Variants in WWOX observed in about 807,000 individuals in gnomAD.
WWOX encodes the protein WW domain containing oxidoreductase.
WWOX carries 69 observed loss-of-function variants against 46.2 expected under a neutral mutation model. The observed-to-expected ratio is 1.49, with a 90% confidence interval of 1.23 to 1.82. The LOEUF (loss-of-function observed/expected upper bound fraction) is 1.82, where lower values mean the gene tolerates loss of function less well. Among genes scored for constraint, WWOX ranks in the 40% most tolerant of loss-of-function variants. WWOX has a pLI of 0.00. For missense variants in WWOX, 919 were observed against 542.6 expected, an observed-to-expected ratio of 1.69 and a Z score of -6.89; for synonymous variants, 359 against 202.6, an observed-to-expected ratio of 1.77 and a Z score of -6.56.
intron 8 of WWOX, among the ~76,000 whole-genome samples, chr16:78,761,277 C>T (rs932814610): frequency 6.6e-6 from 1 of 152,148 alleles, no homozygotes; most frequent in Non-Finnish European, 1.5e-5. Flanking sequence ...AGCACGGCCT[C>T]CAAGAAGTCG....
intron 8 of WWOX, among the ~76,000 whole-genome samples, chr16:78,498,204 C>CA (rs530261157): frequency 1.4e-3 from 28 of 19,544 alleles, no homozygotes; most frequent in African/African-American, 1.8e-3. Context: ...GACTCCATCT[C>CA]AAAAAAAAAA....
chr16:79,041,544 G>A (rs547296222), intron 8 of WWOX, among the ~76,000 whole-genome samples: 1 of 152,124 alleles, frequency 6.6e-6, no homozygotes, highest in Non-Finnish European at 1.5e-5. Flanking sequence ...CTTAGCAGGG[G>A]GCCAAGGAGG....
intron 8 of WWOX, among the ~76,000 whole-genome samples, chr16:79,117,507 G>T (rs1270816219): frequency 6.6e-6 from 1 of 152,192 alleles, no homozygotes; most frequent in Non-Finnish European, 1.5e-5. Flanking sequence ...AATGAGCTTG[G>T]CTTCAACTTG....
chr16:78,580,291 C>G (rs746629490), intron 8 of WWOX, among the ~76,000 whole-genome samples: 1 of 152,152 alleles, frequency 6.6e-6, no homozygotes, highest in East Asian at 1.9e-4. Flanking sequence ...CCAGGCTGAC[C>G]TCAAACTCCT....
chr16:78,468,827 C>A (rs1267068921), intron 8 of WWOX, among the ~76,000 whole-genome samples: 3 of 152,110 alleles, frequency 2.0e-5, no homozygotes, highest in Non-Finnish European at 4.4e-5. Context: ...CAGTGTAATT[C>A]CATATTATAT....
intron 8 of WWOX, among the ~76,000 whole-genome samples, chr16:79,123,498 C>G (rs1462107082): frequency 6.6e-6 from 1 of 151,960 alleles, no homozygotes; most frequent in Non-Finnish European, 1.5e-5. Context: ...ATTCATACAC[C>G]AGTTCATTCA....
intron 8 of WWOX, among the ~76,000 whole-genome samples, chr16:78,826,977 G>C (rs144155044): frequency 1.7e-4 from 26 of 152,272 alleles, no homozygotes; most frequent in African/African-American, 5.5e-4. Context: ...GCCTCTTGAG[G>C]ACTAACCAGC....
intron 8 of WWOX, among the ~76,000 whole-genome samples, chr16:78,501,984 G>T (rs575636784): frequency 6.6e-6 from 1 of 152,094 alleles, no homozygotes; most frequent in African/African-American, 2.4e-5. Flanking sequence ...GTTTCTGGGG[G>T]CATGGACCTG....
At chr16:78,301,690 C>T (rs2080044129) in intron 5 of WWOX, among the ~76,000 whole-genome samples, 2 of 152,144 alleles carry the variant, frequency 1.3e-5, no homozygotes, top group Admixed American at 6.5e-5. Context: ...GGCTGTTTGC[C>T]TGTGATTAGA....
At chr16:78,331,133 A>G (rs2080746593) in intron 5 of WWOX, among the ~76,000 whole-genome samples, 1 of 152,156 alleles carries the variant, frequency 6.6e-6, no homozygotes, top group Non-Finnish European at 1.5e-5. Flanking sequence ...GTCCCTGAAT[A>G]TGTTCGATTG....
chr16:78,612,568 T>C (rs938254158), intron 8 of WWOX, among the ~76,000 whole-genome samples: 3 of 152,224 alleles, frequency 2.0e-5, no homozygotes, highest in African/African-American at 7.2e-5. Context: ...CTGGAACTCA[T>C]GGGCTCAAGC....
chr16:78,270,786 C>T (rs898908452), intron 5 of WWOX, among the ~76,000 whole-genome samples: 2 of 152,108 alleles, frequency 1.3e-5, no homozygotes, highest in African/African-American at 4.8e-5. Context: ...AGGCTAACTC[C>T]AGCCAGTAGC....
At chr16:78,871,027 G>T (rs2044116502) in intron 8 of WWOX, among the ~76,000 whole-genome samples, 2 of 152,154 alleles carry the variant, frequency 1.3e-5, no homozygotes, top group Admixed American at 6.5e-5. Flanking sequence ...TTCTTCTGGG[G>T]AAATTAATTT....
At chr16:78,957,704 T>A (rs756540330) in intron 8 of WWOX, among the ~76,000 whole-genome samples, 3 of 152,224 alleles carry the variant, frequency 2.0e-5, no homozygotes, top group African/African-American at 7.2e-5. Context: ...GATTTATGTA[T>A]GTGAACCTCT....
chr16:78,162,078 G>T lies in WWOX; in HGVS notation c.410-2105G>T, dbSNP rs902577416. Among the ~76,000 whole-genome samples the T allele has an allele frequency of 9.2e-5, 14 of 152,022 alleles. 1 individual carries two copies. The highest frequency in any genetic ancestry group is 1.5e-5 in the Non-Finnish European group (1 of 68,008). On this transcript the variant is annotated intron_variant, in intron 4 of 8. Coordinates refer to ENST00000566780, the MANE Select transcript of WWOX (RefSeq NM_016373.4). ...TTATAGCTAAGGTCATTTTCCTCCTGCCTGAAGAGCATCCTTTAGTGTTTC... is the reference window on the plus strand; with the variant it reads ...TTATAGCTAAGGTCATTTTCCTCCTTCCTGAAGAGCATCCTTTAGTGTTTC...
chr16:78,647,651 G>C (rs1377549251), intron 8 of WWOX, among the ~76,000 whole-genome samples: 1 of 152,258 alleles, frequency 6.6e-6, no homozygotes, highest in East Asian at 1.9e-4. Context: ...AGTGCTGACA[G>C]GCACATCAAC....
intron 5 of WWOX, among the ~76,000 whole-genome samples, chr16:78,357,204 A>G (rs1479281924): frequency 1.3e-5 from 2 of 152,126 alleles, no homozygotes; most frequent in Non-Finnish European, 2.9e-5. Context: ...AGGGAGTCAT[A>G]TGAGTTGCTA....
chr16:78,528,623 A>G (rs1255522345), intron 8 of WWOX, among the ~76,000 whole-genome samples: 2 of 152,160 alleles, frequency 1.3e-5, no homozygotes, highest in African/African-American at 2.4e-5. Context: ...CATTTATCTC[A>G]GGCTTAATGC....
At chr16:78,352,645 A>G (rs891743108) in intron 5 of WWOX, among the ~76,000 whole-genome samples, 1 of 152,250 alleles carries the variant, frequency 6.6e-6, no homozygotes, top group African/African-American at 2.4e-5. Context: ...GCCAATTAGC[A>G]ATCTTAATGC....
Sources: gnomAD v4.1 joint callset for allele counts (sites outside exome capture counted in the v4.1 genomes callset) on GRCh38, gnomAD v4.1.1 for gene constraint, MANE v1.5 for transcripts, NCBI Gene and HGNC (gene_info 2026-07-23, HGNC 2026-07-21) for gene names.